Variants in PTPRS observed in about 807,000 individuals in gnomAD.
The protein encoded by PTPRS is protein tyrosine phosphatase receptor type S.
Under a neutral mutation model 215.3 loss-of-function variants are expected in PTPRS, and 63 were observed. The observed-to-expected ratio is 0.29, with a 90% CI of 0.24 to 0.36. The LOEUF is 0.36. Ranked by LOEUF, PTPRS falls within the 10% of genes least tolerant of loss-of-function variation. PTPRS has a pLI of 1.00. For synonymous variants in PTPRS, 1,404 were observed against 1,191.4 expected (o/e 1.18, Z -3.68); for missense variants, 2,258 against 2,825.8 (o/e 0.80, Z 4.56).
chr19:5,225,582 C>T, intron 17 of PTPRS, 145 bp downstream of exon 17: 2 of 718,946 alleles, frequency 2.8e-6, no homozygotes, highest in East Asian at 5.2e-5. Flanking sequence ...CCCACCTGAG[C>T]AGCCCTCACA....
intron 11 of PTPRS, among the ~76,000 whole-genome samples, chr19:5,241,063 T>A (rs1276347496): frequency 6.7e-6 from 1 of 150,368 alleles, no homozygotes. Context: ...CTAACTTTTG[T>A]ATTTTTAGTA....
chr19:5,244,067 C>T lies in PTPRS; in HGVS notation c.1404G>A (p.Pro468=), dbSNP rs539090055. ...RGYRVYYTME[P]EHPVGNWQKH... is the part of the protein sequence containing the mutation. ...TCTGCCAGTTGCCCACGGGGTGCTC[C>T]GGTTCCATGGTGTAGTAGACGCGGT... The change falls in exon 11 of 38, where the codon CCG becomes CCA. Residue 468 remains proline, a synonymous_variant. Coordinates refer to ENST00000262963, the MANE Select transcript of PTPRS (RefSeq NM_002850.4). This position sits in a 1 kb window ranked among gnomAD's most constrained non-coding sequence, Gnocchi z 7.2. The T allele has an allele frequency of 4.5e-5, 73 of 1,610,766 alleles. 1 individual carries two copies. The highest frequency in any genetic ancestry group is 3.6e-4 in the South Asian group (33 of 91,068).
intron 4 of PTPRS, among the ~76,000 whole-genome samples, chr19:5,267,715 C>T (rs1381611569): frequency 6.9e-6 from 1 of 145,526 alleles, no homozygotes; most frequent in Non-Finnish European, 1.5e-5. Context: ...AACCGTGCCC[C>T]CCCGCCCCCC....
chr19:5,269,782 G>A (rs1220637262), intron 4 of PTPRS, among the ~76,000 whole-genome samples: 5 of 151,980 alleles, frequency 3.3e-5, no homozygotes, highest in Non-Finnish European at 5.9e-5. Flanking sequence ...TTAGCTGGGC[G>A]TGCTAGTGGG....
chr19:5,323,589 G>A (rs1049482939), intron 1 of PTPRS, among the ~76,000 whole-genome samples: 27 of 152,378 alleles, frequency 1.8e-4, no homozygotes, highest in Non-Finnish European at 3.5e-4. Flanking sequence ...AAGGCCCTGG[G>A]GCGGGACCAT....
At position 5,206,540 on chromosome 19, in the gene PTPRS, G is replaced by A; in HGVS notation, c.*234C>T. ...TGGTTTTGGAATTGGAAGGAAAGGAGGAATGTGCCAAGTATTTGAAGGCGG... is the reference window on the plus strand; with the variant it reads ...TGGTTTTGGAATTGGAAGGAAAGGAAGAATGTGCCAAGTATTTGAAGGCGG... On this transcript the variant is annotated 3_prime_UTR_variant, in exon 38 of 38. Transcript: ENST00000262963. 2.2e-6 allele frequency: 1 copy of A among 450,616 alleles called. No homozygotes were observed. Among genetic ancestry groups the A allele is most frequent in the South Asian group, 2.9e-5 (1 of 34,558 alleles). The allele number at this position is 450,616 out of a possible 1,614,324, so 27.9% of individuals were successfully genotyped here. A position where few individuals can be genotyped will look rare whatever the true frequency, so the allele number is the denominator to read the frequency against.
chr19:5,300,633 T>C (rs2049272175), intron 1 of PTPRS, among the ~76,000 whole-genome samples: 1 of 151,586 alleles, frequency 6.6e-6, no homozygotes, highest in African/African-American at 2.4e-5. Context: ...TAGCCGGGCA[T>C]GGTGGTGCAT....
intron 1 of PTPRS, among the ~76,000 whole-genome samples, chr19:5,322,903 AGAAG>A (rs2050070031): frequency 7.9e-6 from 1 of 126,886 alleles, no homozygotes; most frequent in Non-Finnish European, 1.7e-5. Flanking sequence ...AAAAAAAAGA[AGAAG>A]AAGAAGAAGA....
chr19:5,273,719 C>T (rs370651191), intron 3 of PTPRS, 136 bp from the exon 4 acceptor site: 2 of 1,115,854 alleles, frequency 1.8e-6, no homozygotes, highest in Admixed American at 2.4e-5. Context: ...AGAATTGCTG[C>T]AGGCTGAATG....
At position 5,245,992 on chromosome 19, in the gene PTPRS, G is replaced by T; in HGVS notation, c.772C>A (p.Pro258Thr). 1 of 1,591,582 alleles carries T rather than the reference G, an allele frequency of 6.3e-7. No homozygotes were observed. Residue 258 changes from proline to threonine, a missense_variant, in exon 10 of 38, where the codon CCA becomes ACA. Physicochemically the swap from Pro to Thr is conservative, Grantham distance 38. Transcript: ENST00000262963. ...CAGGTGATGTTCACGTTGCCCCCTG[G>T]CATGATCTCGTGGCTCATGGGCAGG... ...SILPMSHEIMPGGNVNITCVA... is the reference protein window; with the variant it reads ...SILPMSHEIMTGGNVNITCVA...
intron 7 of PTPRS, among the ~76,000 whole-genome samples, chr19:5,260,086 G>A (rs1188522593): frequency 6.6e-6 from 1 of 152,062 alleles, no homozygotes; most frequent in Non-Finnish European, 1.5e-5. Flanking sequence ...CGACCGACCT[G>A]AGAGTGCATG....
chr19:5,229,355 G>C lies in PTPRS; in HGVS notation c.2350-13C>G, dbSNP rs767574387. The C allele has an allele frequency of 7.3e-7, 1 of 1,377,190 alleles. No homozygotes were observed. Among genetic ancestry groups the C allele is most frequent in the Non-Finnish European group, 9.4e-7 (1 of 1,060,350 alleles). The allele number at this position is 1,377,190 out of a possible 1,614,324, so 85.3% of individuals were successfully genotyped here. ...CATCCGTCTCCCACTGAGCGCGGGA[G>C]GAGGCGGCAGGGGAGAGAGGAGGAA... On this transcript the variant is annotated splice_polypyrimidine_tract_variant and intron_variant, in intron 15 of 37. Transcript: ENST00000262963.
rs185234714 is a variant in PTPRS at position 5,322,483 on chromosome 19, C to A, written c.-95+18181G>T. On this transcript the variant is annotated intron_variant, in intron 1 of 37. Transcript: ENST00000262963. ...GGGAGGAAGAAGCAGCCGCGGGGAC[C>A]GACTCGAGCCCGCCCCGACTGGCCG... Among the ~76,000 whole-genome samples the A allele has an allele frequency of 9.7e-4, 147 of 152,094 alleles. 1 individual carries two copies. The highest frequency in any genetic ancestry group is 5.2e-3 in the South Asian group (25 of 4,798).
chr19:5,218,202 T>TAAA (rs5826876), intron 25 of PTPRS, among the ~76,000 whole-genome samples: 3 of 146,238 alleles, frequency 2.1e-5, no homozygotes, highest in South Asian at 2.2e-4. Context: ...ATGTTAACTT[T>TAAA]AAAAAAAAAA....
At chr19:5,235,833 A>C (rs1169436383) in intron 13 of PTPRS, among the ~76,000 whole-genome samples, 1 of 152,164 alleles carries the variant, frequency 6.6e-6, no homozygotes, top group Non-Finnish European at 1.5e-5. Context: ...CCGCATATTA[A>C]AGGGAACTGT....
chr19:5,282,758 C>T lies in PTPRS; in HGVS notation c.91+3292G>A, dbSNP rs542401577. On this transcript the variant is annotated intron_variant, in intron 2 of 37. Coordinates refer to ENST00000262963, the MANE Select transcript of PTPRS (RefSeq NM_002850.4). The stretch of plus-strand genomic sequence containing the variant: ...CAGAGGCTGCAGTGGGAGCCGAGAT[C>T]GAGCCTGGGCAACAGGACAACAGAA... Among the ~76,000 whole-genome samples the T allele has an allele frequency of 1.7e-4, 26 of 149,444 alleles. No individual in the cohort carries two copies. In the Middle Eastern group the frequency reaches 0.014, roughly 80 times the overall value.
rs35165317 is a variant in PTPRS, at chr19:5,305,939, CAAAAAAAAAAAAA to C, written c.-94-19718_-94-19706del. On this transcript the variant is annotated intron_variant, in intron 1 of 37. Transcript: ENST00000262963. ...TGGGCGACAGAGCAAGACTCCGTCTCAAAAAAAAAAAAAAAAAAAAAAAAAAAAAAAGGGCGAA... is the reference window on the plus strand; with the variant it reads ...TGGGCGACAGAGCAAGACTCCGTCTCAAAAAAAAAAAAAAAAAAGGGCGAA... Among the ~76,000 whole-genome samples, 21 of 22,644 alleles carry C rather than the reference CAAAAAAAAAAAAA, an allele frequency of 9.3e-4. No homozygotes were observed. In the East Asian group the frequency reaches 0.018, roughly 19 times the overall value. 14.9% of individuals were successfully genotyped at this position (22,644 alleles called of 152,430 possible).
chr19:5,317,922 A>G (rs1399355677), intron 1 of PTPRS, among the ~76,000 whole-genome samples: 1 of 152,212 alleles, frequency 6.6e-6, no homozygotes, highest in East Asian at 1.9e-4. Context: ...CTGCAATCCC[A>G]GCACGTTGGG....
chr19:5,271,291 T>C (rs556928300), intron 4 of PTPRS, among the ~76,000 whole-genome samples: 19 of 152,226 alleles, frequency 1.2e-4, no homozygotes, highest in African/African-American at 4.3e-4. Flanking sequence ...AACGGGGAAG[T>C]AGAATTGACC....
Sources: allele counts gnomAD v4.1 joint callset (sites outside exome capture counted in the v4.1 genomes callset), GRCh38; gene constraint gnomAD v4.1.1; non-coding constraint Gnocchi (gnomAD v3.1); transcripts MANE v1.5; gene names NCBI Gene and HGNC (gene_info 2026-07-23, HGNC 2026-07-21).